HOGA1: variants seen among roughly 807,000 people sequenced by gnomAD.
The protein encoded by HOGA1 is 4-hydroxy-2-oxoglutarate aldolase, mitochondrial.
A neutral mutation model predicts 34.3 loss-of-function variants in HOGA1; 30 were observed. The observed-to-expected ratio is 0.87, with a 90% CI of 0.65 to 1.19. HOGA1 has a LOEUF of 1.19. HOGA1 is among the 50% of genes most tolerant of loss of function. The probability of loss-of-function intolerance (pLI) is 0.00; values close to 1 mark genes in which losing one functional copy is unlikely to be tolerated. For synonymous variants in HOGA1, 161 were observed against 174.0 expected, an observed-to-expected ratio of 0.93 and a Z score of 0.59; for missense variants, 417 against 436.5, an observed-to-expected ratio of 0.96 and a Z score of 0.40.
chr10:97,584,905 C>G lies in HOGA1; in HGVS notation c.202C>G (p.Pro68Ala). 1 of 1,613,996 alleles carries G rather than the reference C, an allele frequency of 6.2e-7. No individual in the cohort carries two copies. Among genetic ancestry groups the G allele is most frequent in the Non-Finnish European group, 8.5e-7 (1 of 1,179,972 alleles). ...GAATCTGCACAAACTGGGCACCTTCCCCTTCCGAGGTAAGTGGGGCTGTCC... is the reference window on the plus strand; with the variant it reads ...GAATCTGCACAAACTGGGCACCTTCGCCTTCCGAGGTAAGTGGGGCTGTCC... ...EENLHKLGTF[P>A]FRGFVVQGSN... is the part of the protein sequence containing the mutation. Residue 68 changes from proline to alanine, a missense_variant, in exon 1 of 7, where the codon CCC becomes GCC. Pro to Ala is a conservative substitution (Grantham distance 27, BLOSUM62 -1). Transcript: ENST00000370646.
chr10:97,589,679 T>TG (rs953231526), intron 1 of HOGA1: 6 of 386,912 alleles, frequency 1.6e-5, no homozygotes, highest in Admixed American at 7.5e-5. Flanking sequence ...GTTGAGGTGG[T>TG]GGGGGGCACC....
rs537101942 is a variant in HOGA1, at chr10:97,612,706, T to C, written c.*1047T>C. 1.2e-4 allele frequency: 18 copies of C among 152,362 alleles called. No homozygotes were observed. In the East Asian group the frequency reaches 3.5e-3, roughly 29 times the overall value. The allele number at this position is 152,362 out of a possible 1,614,324, so 9.4% of individuals were successfully genotyped here. A position where few individuals can be genotyped will look rare whatever the true frequency, so the allele number is the denominator to read the frequency against. ...CCTAGGTCTGAAACACTAAGGAGAC[T>C]TGGCCTGAGATAGGGCCATCCACTT... On this transcript the variant is annotated 3_prime_UTR_variant, in exon 7 of 7. Transcript: ENST00000370646.
intron 6 of HOGA1, among the ~76,000 whole-genome samples, chr10:97,605,038 A>G (rs529064432): frequency 6.6e-6 from 1 of 152,224 alleles, no homozygotes; most frequent in African/African-American, 2.4e-5. Context: ...TCGTGTGTCC[A>G]TAAGTTTTCA....
chr10:97,601,117 C>T (rs939066362), intron 5 of HOGA1, among the ~76,000 whole-genome samples: 2 of 152,154 alleles, frequency 1.3e-5, no homozygotes, highest in Admixed American at 6.5e-5. Flanking sequence ...GCTGCTGTAG[C>T]GCGCCTGGGA....
chr10:97,603,533 T>C lies in HOGA1; in HGVS notation c.834+1543T>C, dbSNP rs1017383970. ...ATGAGCCACCATGACTGGCCTACTG[T>C]ATATTTTATATTTAACTTTTTATTT... is the stretch of plus-strand genomic sequence containing the variant. On this transcript the variant is annotated intron_variant, in intron 6 of 6. Transcript: ENST00000370646. This position sits in a 1 kb window ranked among gnomAD's most constrained non-coding sequence, Gnocchi z 4.5. 1.3e-5 allele frequency among the ~76,000 whole-genome samples: 2 copies of C among 151,854 alleles called. No homozygotes were observed. The highest frequency in any genetic ancestry group is 4.8e-5 in the African/African-American group (2 of 41,398).
intron 6 of HOGA1, 120 bp from the exon 7 acceptor site, chr10:97,611,390 A>C: frequency 8.8e-7 from 1 of 1,138,084 alleles, no homozygotes. Flanking sequence ...TAGAGTTGGC[A>C]GTTACTTTCC....
intron 1 of HOGA1, among the ~76,000 whole-genome samples, chr10:97,597,107 ATTT>A (rs757896641): frequency 2.9e-5 from 4 of 139,166 alleles, no homozygotes; most frequent in Non-Finnish European, 3.1e-5. Context: ...ATAGCCTCCA[ATTT>A]TTTTTTTTTT....
In HOGA1 at chr10:97,601,934, G is replaced by A. The variant is rs974889070; in HGVS notation, c.778G>A (p.Gly260Arg). 4 of 1,613,110 alleles carry A rather than the reference G, an allele frequency of 2.5e-6. No individual in the cohort carries two copies. The highest frequency in any genetic ancestry group is 1.1e-5 in the South Asian group (1 of 90,924). Residue 260 changes from glycine to arginine, a missense_variant, in exon 6 of 7, where the codon GGG (glycine) becomes AGG (arginine). Physicochemically the swap from Gly to Arg is moderately radical, Grantham distance 125. Coordinates refer to ENST00000370646, the MANE Select transcript of HOGA1 (RefSeq NM_138413.4). ...CCAGCTGGAGCGACTGTGCTGCACG[G>A]GGCAATGGGAAGATGCCCAGAAACT... The part of the protein sequence containing the change: ...VCQLERLCCT[G>R]QWEDAQKLQH...
chr10:97,607,517 A>G (rs1012904522), intron 6 of HOGA1, among the ~76,000 whole-genome samples: 17 of 152,130 alleles, frequency 1.1e-4, no homozygotes, highest in African/African-American at 4.1e-4. Context: ...ACCCATTGGC[A>G]CTGCGTGCTT....
intron 1 of HOGA1, among the ~76,000 whole-genome samples, chr10:97,585,381 G>A (rs564398966): frequency 6.6e-6 from 1 of 152,238 alleles, no homozygotes; most frequent in South Asian, 2.1e-4. Flanking sequence ...CTTGGCTCCT[G>A]TGACTCCTGT....
intron 6 of HOGA1, among the ~76,000 whole-genome samples, chr10:97,602,990 C>A (rs943099912): frequency 6.6e-6 from 1 of 151,990 alleles, no homozygotes; most frequent in African/African-American, 2.4e-5. Flanking sequence ...CAGTGCCCGG[C>A]CTATTCTTTT....
chr10:97,610,431 G>A (rs1481308926), intron 6 of HOGA1, among the ~76,000 whole-genome samples: 5 of 152,076 alleles, frequency 3.3e-5, no homozygotes, highest in African/African-American at 4.8e-5. Context: ...TCATACCACT[G>A]CACTCTAGCC....
intron 1 of HOGA1, among the ~76,000 whole-genome samples, chr10:97,597,683 TG>T (rs1454687472): frequency 6.6e-6 from 1 of 152,118 alleles, no homozygotes; most frequent in Non-Finnish European, 1.5e-5. Flanking sequence ...CAGTCAGGCA[TG>T]GGGGCTCATG....
At chr10:97,608,090 A>T (rs1393495005) in intron 6 of HOGA1, among the ~76,000 whole-genome samples, 1 of 151,926 alleles carries the variant, frequency 6.6e-6, no homozygotes, top group Non-Finnish European at 1.5e-5. Flanking sequence ...CAGGAAGATC[A>T]TTTGAGCTCA....
chr10:97,586,888 C>T (rs563716584), intron 1 of HOGA1, among the ~76,000 whole-genome samples: 5 of 152,310 alleles, frequency 3.3e-5, no homozygotes, highest in African/African-American at 1.2e-4. Flanking sequence ...CACCAGAGAG[C>T]CAGCGGGGTG....
At chr10:97,607,215 C>A (rs1186098020) in intron 6 of HOGA1, among the ~76,000 whole-genome samples, 1 of 152,102 alleles carries the variant, frequency 6.6e-6, no homozygotes, top group African/African-American at 2.4e-5. Context: ...CTACACACTG[C>A]CTCCACTGCA....
At chr10:97,599,342 C>A in intron 3 of HOGA1, 126 bp downstream of exon 3, 1 of 1,145,540 alleles carries the variant, frequency 8.7e-7, no homozygotes, top group Non-Finnish European at 1.3e-6. Flanking sequence ...CACCATGGAT[C>A]AGCTGCACGA....
intron 1 of HOGA1, chr10:97,590,526 A>C: frequency 6.2e-7 from 1 of 1,612,236 alleles, no homozygotes. Context: ...CACCATGGCC[A>C]CCCAAGCCAC....
Position 97,584,543 on chromosome 10 carries a change from A to G in HOGA1, c.-161A>G. On this transcript the variant is annotated 5_prime_UTR_variant, in exon 1 of 7. Coordinates refer to ENST00000370646, the MANE Select transcript of HOGA1 (RefSeq NM_138413.4). ...CTGGGGCCTATAGGCCTTGCCCCTG[A>G]CCCTGGGAACACCCAGCTCAGGCCT... The G allele has an allele frequency of 1.5e-6, 1 of 669,900 alleles. No individual in the cohort carries two copies. Among genetic ancestry groups the G allele is most frequent in the Non-Finnish European group, 2.6e-6 (1 of 384,624 alleles). 41.5% of individuals were successfully genotyped at this position (669,900 alleles called of 1,614,324 possible).
Sources: allele counts gnomAD v4.1 joint callset (sites outside exome capture counted in the v4.1 genomes callset), GRCh38; gene constraint gnomAD v4.1.1; non-coding constraint Gnocchi (gnomAD v3.1); transcripts MANE v1.5; gene names NCBI Gene and HGNC (gene_info 2026-07-23, HGNC 2026-07-21).